Variants in WASL observed in about 807,000 individuals in gnomAD.
WASL encodes the protein actin nucleation-promoting factor WASL.
Under a neutral mutation model 55.5 loss-of-function variants are expected in WASL, and 20 were observed. The ratio of observed to expected loss-of-function variants is 0.36; its 90% CI spans 0.25 to 0.52. The LOEUF (loss-of-function observed/expected upper bound fraction) is 0.52, where lower values mean the gene tolerates loss of function less well. WASL is among the 20% of genes least tolerant of loss of function. The probability of loss-of-function intolerance (pLI) is 0.92; values close to 1 mark genes in which losing one functional copy is unlikely to be tolerated. For synonymous variants in WASL, 249 were observed against 217.6 expected, an observed-to-expected ratio of 1.14 and a Z score of -1.27; for missense variants, 504 against 622.5, an observed-to-expected ratio of 0.81 and a Z score of 2.03.
intron 8 of WASL, 32 bp from the exon 9 acceptor site, chr7:123,692,899 C>T (rs749274584): frequency 8.2e-6 from 11 of 1,339,952 alleles, no homozygotes; most frequent in Non-Finnish European, 1.1e-5. Context: ...AGAAGGCATG[C>T]TTTTTTCTTC....
At chr7:123,704,833 T>C (rs1227890061) in intron 4 of WASL, among the ~76,000 whole-genome samples, 176 bp from the exon 5 acceptor site, 1 of 152,000 alleles carries the variant, frequency 6.6e-6, no homozygotes, top group Non-Finnish European at 1.5e-5. Context: ...AAGGGAACAA[T>C]ACATTCAAAG....
chr7:123,706,149 C>A, intron 4 of WASL, 128 bp downstream of exon 4: 1 of 875,134 alleles, frequency 1.1e-6, no homozygotes, highest in Non-Finnish European at 1.7e-6. Flanking sequence ...TAGCCAAAGA[C>A]AACATGTAAA....
chr7:123,727,353 T>TCGCACACACACACACACA (rs1554406247), intron 1 of WASL, among the ~76,000 whole-genome samples: 96 of 147,818 alleles, frequency 6.5e-4, no homozygotes, highest in African/African-American at 2.0e-3. Flanking sequence ...AAAATATGTG[T>TCGCACACACACACACACA]CACACACACA....
chr7:123,734,330 C>G (rs946006088), intron 1 of WASL, among the ~76,000 whole-genome samples: 6 of 152,026 alleles, frequency 3.9e-5, no homozygotes, highest in Admixed American at 1.3e-4. Context: ...GACAAAGGAC[C>G]TGGACGTCTC....
intron 2 of WASL, among the ~76,000 whole-genome samples, chr7:123,708,200 A>G (rs1803702346): frequency 1.3e-5 from 2 of 151,732 alleles, no homozygotes; most frequent in African/African-American, 2.4e-5. Flanking sequence ...CAACAACAAC[A>G]AAAGAAGCAC....
intron 1 of WASL, among the ~76,000 whole-genome samples, chr7:123,746,720 T>C (rs1804436474): frequency 6.6e-6 from 1 of 152,246 alleles, no homozygotes; most frequent in Non-Finnish European, 1.5e-5. Flanking sequence ...GCAATCCACT[T>C]ACACTAACCA....
chr7:123,718,137 C>T (rs1399282487), intron 1 of WASL, among the ~76,000 whole-genome samples: 1 of 152,188 alleles, frequency 6.6e-6, no homozygotes, highest in African/African-American at 2.4e-5. Flanking sequence ...CAATAAGCTA[C>T]TTGTCTAAAT....
intron 1 of WASL, among the ~76,000 whole-genome samples, chr7:123,740,975 G>T (rs1584875820): frequency 1.3e-5 from 2 of 152,114 alleles, no homozygotes; most frequent in East Asian, 3.9e-4. Flanking sequence ...TGTCTATTGG[G>T]TTCTCTGGGT....
At chr7:123,718,839 A>C (rs1302448741) in intron 1 of WASL, among the ~76,000 whole-genome samples, 1 of 152,256 alleles carries the variant, frequency 6.6e-6, no homozygotes, top group Non-Finnish European at 1.5e-5. Flanking sequence ...TAGTTAATCT[A>C]AACCTGTTTT....
intron 1 of WASL, among the ~76,000 whole-genome samples, chr7:123,716,387 T>G (rs189240593): frequency 6.6e-6 from 1 of 152,132 alleles, no homozygotes; most frequent in East Asian, 1.9e-4. Context: ...AGCTAATTTT[T>G]GTATTTTTGT....
chr7:123,704,883 C>T (rs900167748), intron 4 of WASL, among the ~76,000 whole-genome samples: 1 of 152,088 alleles, frequency 6.6e-6, no homozygotes, highest in Non-Finnish European at 1.5e-5. Flanking sequence ...ATCATGAAGA[C>T]TGGACTACAG....
intron 1 of WASL, among the ~76,000 whole-genome samples, chr7:123,735,372 A>C (rs1349669505): frequency 1.5e-5 from 2 of 130,942 alleles, no homozygotes; most frequent in African/African-American, 5.4e-5. Flanking sequence ...AAAGTTGCCA[A>C]AAATGCAGGA....
chr7:123,716,738 TG>T (rs1365682050), intron 1 of WASL, among the ~76,000 whole-genome samples: 2 of 152,030 alleles, frequency 1.3e-5, no homozygotes, highest in African/African-American at 4.8e-5. Flanking sequence ...TACTCTTCTG[TG>T]GGAACAGTTT....
At chr7:123,688,915 A>G in intron 10 of WASL, 127 bp downstream of exon 10, 1 of 858,824 alleles carries the variant, frequency 1.2e-6, no homozygotes. Context: ...GTAGTTACTC[A>G]ATTAGCAGAG....
intron 5 of WASL, among the ~76,000 whole-genome samples, chr7:123,700,796 G>A (rs1339528520): frequency 1.3e-5 from 2 of 152,228 alleles, no homozygotes; most frequent in South Asian, 2.1e-4. Flanking sequence ...GGATAACACC[G>A]CTAATTTTAC....
chr7:123,697,807 A>T (rs1026264873), intron 5 of WASL, among the ~76,000 whole-genome samples: 3 of 152,188 alleles, frequency 2.0e-5, no homozygotes, highest in African/African-American at 7.2e-5. Context: ...AGGTGGGCTT[A>T]TTGTGTCTAA....
intron 5 of WASL, among the ~76,000 whole-genome samples, chr7:123,700,259 T>C (rs945636267): frequency 9.5e-5 from 14 of 147,912 alleles, no homozygotes; most frequent in Non-Finnish European, 3.0e-5. Flanking sequence ...TGGAGATATA[T>C]AGAAAATTAG....
chr7:123,735,269 G>A (rs1804206432), intron 1 of WASL, among the ~76,000 whole-genome samples: 1 of 151,038 alleles, frequency 6.6e-6, no homozygotes, highest in Non-Finnish European at 1.5e-5. Context: ...TTATACAAAT[G>A]ACTTCATGGA....
chr7:123,740,091 C>T (rs1273002570), intron 1 of WASL, among the ~76,000 whole-genome samples: 1 of 151,948 alleles, frequency 6.6e-6, no homozygotes, highest in African/African-American at 2.4e-5. Context: ...GACTTGACTA[C>T]GTTTCACTAA....
Sources: gnomAD v4.1 joint callset for allele counts (sites outside exome capture counted in the v4.1 genomes callset) on GRCh38, gnomAD v4.1.1 for gene constraint, MANE v1.5 for transcripts, NCBI Gene and HGNC (gene_info 2026-07-23, HGNC 2026-07-21) for gene names.